Variants in KIF26A observed in about 807,000 individuals in gnomAD.
KIF26A encodes the protein kinesin family member 26A.
Under a neutral mutation model 126.0 loss-of-function variants are expected in KIF26A, and 74 were observed. That is an observed-to-expected ratio of 0.59 (90% CI 0.49 to 0.71). The LOEUF (loss-of-function observed/expected upper bound fraction) is 0.71, where lower values mean the gene tolerates loss of function less well. KIF26A is among the 30% of genes least tolerant of loss of function. KIF26A has a pLI of 0.00. For synonymous variants in KIF26A, 1,445 were observed against 1,232.7 expected, an observed-to-expected ratio of 1.17 and a Z score of -3.61; for missense variants, 2,984 against 2,763.3, an observed-to-expected ratio of 1.08 and a Z score of -1.79.
chr14:104,161,725 C>T (rs10137218), intron 4 of KIF26A, among the ~76,000 whole-genome samples: 31,030 of 152,236 alleles, frequency 0.2, 3,213 homozygotes, highest in Admixed American at 0.26. Context: ...TGGTGTCTCA[C>T]GGCAGGGGGT....
intron 2 of KIF26A, among the ~76,000 whole-genome samples, chr14:104,140,890 G>A (rs924884863): frequency 1.3e-5 from 2 of 152,164 alleles, no homozygotes; most frequent in Non-Finnish European, 2.9e-5. Context: ...GCTTTGTTCT[G>A]CTCTGGGCCC....
At chr14:104,155,790 G>A (rs2037771494) in intron 3 of KIF26A, among the ~76,000 whole-genome samples, 1 of 152,248 alleles carries the variant, frequency 6.6e-6, no homozygotes, top group South Asian at 2.1e-4. Flanking sequence ...CCGTTGCTGG[G>A]CGGGGCCGGA....
chr14:104,163,840 A>G (rs2037854883), intron 4 of KIF26A, among the ~76,000 whole-genome samples: 1 of 151,866 alleles, frequency 6.6e-6, no homozygotes. Flanking sequence ...AGCTGTGGGC[A>G]AGGAACCCAA....
chr14:104,139,720 G>C (rs930059270), intron 2 of KIF26A, among the ~76,000 whole-genome samples: 6 of 152,208 alleles, frequency 3.9e-5, no homozygotes, highest in Admixed American at 2.6e-4. Context: ...TTACATACCT[G>C]GGGCCGGGGG....
chr14:104,172,115 G>A (rs1343936724), intron 6 of KIF26A, among the ~76,000 whole-genome samples, 180 bp downstream of exon 6: 2 of 152,250 alleles, frequency 1.3e-5, no homozygotes, highest in African/African-American at 4.8e-5. Flanking sequence ...GCGTCCTTGG[G>A]TGTCTCCATC....
intron 4 of KIF26A, among the ~76,000 whole-genome samples, chr14:104,161,470 C>G (rs2037832411): frequency 6.6e-6 from 1 of 152,208 alleles, no homozygotes; most frequent in Non-Finnish European, 1.5e-5. Context: ...TGAAATTACC[C>G]TCTTGTTTGG....
chr14:104,179,769 G>C lies in KIF26A; in HGVS notation c.5628G>C (p.Gly1876=). 1 of 1,544,080 alleles carries C rather than the reference G, an allele frequency of 6.5e-7. No homozygotes were observed. The highest frequency in any genetic ancestry group is 1.4e-5 in the African/African-American group (1 of 73,446). Residue 1876 remains glycine, a synonymous_variant, in exon 15 of 15, where the codon GGG becomes GGC. Coordinates refer to ENST00000423312, the MANE Select transcript of KIF26A (RefSeq NM_015656.2). ...ISVAASAAIP[G]PQEVDV is the part of the protein sequence containing the mutation. The stretch of plus-strand genomic sequence containing the variant: ...TTGCAGCCAGTGCTGCCATCCCGGG[G>C]CCGCAGGAGGTGGACGTCTGAGGCT...
intron 2 of KIF26A, among the ~76,000 whole-genome samples, chr14:104,147,198 G>A (rs1174743273): frequency 1.3e-5 from 2 of 152,166 alleles, no homozygotes; most frequent in East Asian, 1.9e-4. Context: ...CCACCTCGCC[G>A]GGGCCATCCT....
At chr14:104,139,315 C>T in intron 2 of KIF26A, 27 bp downstream of exon 2, 3 of 1,437,228 alleles carry the variant, frequency 2.1e-6, no homozygotes, top group Non-Finnish European at 2.8e-6. Flanking sequence ...TAGGCCGACC[C>T]CTCCGAGCAG....
In KIF26A at chr14:104,179,908, C is replaced by T. The variant is rs574993751; in HGVS notation, c.*118C>T. ...GATGCGGAGGGGTTTCTGTGCAGGA[C>T]GGGAGTCTCAGAGAGGAGACGGAGT... On this transcript the variant is annotated 3_prime_UTR_variant, in exon 15 of 15. Transcript: ENST00000423312. 2.0e-4 allele frequency: 218 copies of T among 1,065,310 alleles called. 2 individuals are homozygous for T. The South Asian group carries it at 2.8e-3, about 14-fold the overall frequency. 66.0% of individuals were successfully genotyped at this position (1,065,310 alleles called of 1,614,324 possible).
In KIF26A at chr14:104,173,194, G is replaced by A. The variant is rs370521884; in HGVS notation, c.1638G>A (p.Gln546=). 2.7e-5 allele frequency: 44 copies of A among 1,611,496 alleles called. No individual in the cohort carries two copies. The highest frequency in any genetic ancestry group is 3.6e-5 in the Non-Finnish European group (43 of 1,179,292). ...CCCCTGGCAGCCTCCAGGACACCCA[G>A]TCTCCGGGAGTGTACCTGCGGGAGG... is the stretch of plus-strand genomic sequence containing the variant. ...EVAPGSLQDT[Q]SPGVYLREDP... Residue 546 remains glutamine (Q), a synonymous_variant, in exon 8 of 15, where the codon CAG becomes CAA. Coordinates refer to ENST00000423312, the MANE Select transcript of KIF26A (RefSeq NM_015656.2).
chr14:104,170,832 G>A (rs901309365), intron 5 of KIF26A, among the ~76,000 whole-genome samples: 16 of 152,236 alleles, frequency 1.1e-4, no homozygotes, highest in Admixed American at 6.5e-5. Flanking sequence ...CCTCCCCGGC[G>A]TCTGCCCCCT....
chr14:104,158,041 G>A, intron 4 of KIF26A, 99 bp downstream of exon 4: 1 of 1,165,524 alleles, frequency 8.6e-7, no homozygotes, highest in East Asian at 3.0e-5. Context: ...GGGACCTCGG[G>A]CATGCTTGCT....
Position 104,175,026 on chromosome 14 carries a change from C to T in KIF26A, c.2238C>T (p.Gly746=), listed in dbSNP as rs775003818. The T allele has an allele frequency of 7.8e-5, 122 of 1,559,180 alleles. No individual in the cohort carries two copies. The Middle Eastern group carries it at 1.5e-3, about 19-fold the overall frequency. ...GCGGGGAGAGCTCCTGTGAGGAAGG[C>T]CGGGCCCGTCGGCCCCCGCACCTGC... ...SSGGESSCEE[G]RARRPPHLRP... The change falls in exon 12 of 15, where the codon GGC becomes GGT. Residue 746 remains glycine, a synonymous_variant. Coordinates refer to ENST00000423312, the MANE Select transcript of KIF26A (RefSeq NM_015656.2).
chr14:104,141,586 T>A (rs1447931320), intron 2 of KIF26A, among the ~76,000 whole-genome samples: 1 of 148,212 alleles, frequency 6.7e-6, no homozygotes, highest in Non-Finnish European at 1.5e-5. Flanking sequence ...GAGGGAGGCG[T>A]AGAGGGTCGG....
At position 104,173,068 on chromosome 14, in the gene KIF26A, G is replaced by T. The variant is rs936712984; in HGVS notation, c.1512G>T (p.Glu504Asp). ...TCTCCTGGCTCTTCAGGCTCATCGA[G>T]GAGCGCAGGGAGAGGACGGGCACCC... ...CAISWLFRLIEERRERTGTRF... is the reference protein window; with the variant it reads ...CAISWLFRLIDERRERTGTRF... Residue 504 changes from glutamate to aspartate, a missense_variant, in exon 8 of 15, where the codon GAG (glutamate) becomes GAT (aspartate). By Grantham distance (45) the Glu-to-Asp change is conservative (BLOSUM62 2). Transcript: ENST00000423312. 6.2e-7 allele frequency: 1 copy of T among 1,605,330 alleles called. No individual in the cohort carries two copies.
rs1281669117 is a variant in KIF26A, at chr14:104,180,245, C to G, written c.*455C>G. 6.4e-6 allele frequency: 1 copy of G among 156,114 alleles called. No homozygotes were observed. Among genetic ancestry groups the G allele is most frequent in the Non-Finnish European group, 1.4e-5 (1 of 70,880 alleles). The allele number at this position is 156,114 out of a possible 1,614,324, so 9.7% of individuals were successfully genotyped here. ...AGGGGTCTTTCAGGATTCAGGATGA[C>G]TTTTCTTTTACAATGGTTTCCTCTC... On this transcript the variant is annotated 3_prime_UTR_variant, in exon 15 of 15. Transcript: ENST00000423312.
At chr14:104,160,714 G>A (rs1209837699) in intron 4 of KIF26A, among the ~76,000 whole-genome samples, 1 of 152,204 alleles carries the variant, frequency 6.6e-6, no homozygotes, top group African/African-American at 2.4e-5. Flanking sequence ...CTGAGGCCCC[G>A]CTGGTTTGTG....
intron 2 of KIF26A, among the ~76,000 whole-genome samples, chr14:104,143,314 C>T (rs1448459174): frequency 1.3e-5 from 2 of 152,216 alleles, no homozygotes; most frequent in African/African-American, 4.8e-5. Flanking sequence ...CGGGTGGCCC[C>T]TGTGTACAGG....
Sources: gnomAD v4.1 joint callset for allele counts (sites outside exome capture counted in the v4.1 genomes callset) on GRCh38, gnomAD v4.1.1 for gene constraint, MANE v1.5 for transcripts, NCBI Gene and HGNC (gene_info 2026-07-23, HGNC 2026-07-21) for gene names.